Variants in SLC38A10 observed in about 807,000 individuals in gnomAD.
The protein encoded by SLC38A10 is Sodium-coupled neutral amino acid transporter 10.
A neutral mutation model predicts 81.0 loss-of-function variants in SLC38A10; 53 were observed. That is an observed-to-expected ratio of 0.65 (90% CI 0.53 to 0.82). The LOEUF is 0.82. SLC38A10 is among the 40% of genes least tolerant of loss of function. The probability of loss-of-function intolerance (pLI) is 0.00; values close to 1 mark genes in which losing one functional copy is unlikely to be tolerated. For missense variants in SLC38A10, 1,471 were observed against 1,545.0 expected (o/e 0.95, Z 0.80); for synonymous variants, 665 against 655.3 (o/e 1.01, Z -0.23).
At chr17:81,247,842 A>G (rs2062867656) in intron 14 of SLC38A10, among the ~76,000 whole-genome samples, 1 of 152,038 alleles carries the variant, frequency 6.6e-6, no homozygotes, top group African/African-American at 2.4e-5. Flanking sequence ...CCCTGTCTCA[A>G]AAAAGAAAAA....
chr17:81,251,047 C>T, intron 14 of SLC38A10: 1 of 1,438,428 alleles, frequency 7.0e-7, no homozygotes, highest in South Asian at 1.5e-5. Flanking sequence ...CACAGCCACC[C>T]CCAAACTGGG....
chr17:81,246,076 C>G lies in SLC38A10; in HGVS notation c.2840G>C (p.Gly947Ala). 6.2e-7 allele frequency: 1 copy of G among 1,608,770 alleles called. No homozygotes were observed. The highest frequency in any genetic ancestry group is 8.5e-7 in the Non-Finnish European group (1 of 1,179,646). ...CACAGCCTGGGGCTGTGCAGCTGCT[C>G]CTTCCGCCCCACCGGGCAGGTCCGC... ...LAADLPGGAE[G>A]AAAQPQAVLR... The change falls in exon 16 of 16, where the codon GGA becomes GCA. Residue 947 changes from glycine to alanine, a missense_variant. Coordinates refer to ENST00000374759, the MANE Select transcript of SLC38A10 (RefSeq NM_001037984.3).
chr17:81,260,332 G>T lies in SLC38A10; in HGVS notation c.1194C>A (p.Ser398Arg), dbSNP rs369522336. ...VVSTVTTLSV[S>R]EEVPEDLAEE... ...CTGCCAAGTCCTCGGGGACCTCCTC[G>T]CTCACAGACAGTGTGGTGACAGTGC... The change falls in exon 11 of 16, where the codon AGC becomes AGA. Residue 398 changes from serine (S) to arginine (R), a missense_variant. By Grantham distance (110) the Ser-to-Arg change is moderately radical. Around this residue, in one of 2 missense-constraint regions of SLC38A10, gnomAD observed 720 missense variants for 827.7 expected, o/e 0.87. Transcript: ENST00000374759. 5 of 1,609,440 alleles carry T rather than the reference G, an allele frequency of 3.1e-6. No homozygotes were observed. The highest frequency in any genetic ancestry group is 3.3e-4 in the Middle Eastern group (2 of 6,048).
At chr17:81,273,931 G>A (rs565088581) in intron 8 of SLC38A10, among the ~76,000 whole-genome samples, 2 of 152,356 alleles carry the variant, frequency 1.3e-5, no homozygotes, top group African/African-American at 2.4e-5. Context: ...GGCCGCAGCC[G>A]CACCTCCGGG....
intron 11 of SLC38A10, among the ~76,000 whole-genome samples, chr17:81,259,983 G>A (rs916919047): frequency 2.0e-5 from 3 of 151,962 alleles, no homozygotes; most frequent in African/African-American, 4.8e-5. Flanking sequence ...CCAGGCCAGC[G>A]GCCACTCCTG....
chr17:81,294,744 C>CT, intron 1 of SLC38A10, 79 bp downstream of exon 1: 1 of 1,370,358 alleles, frequency 7.3e-7, no homozygotes, highest in Non-Finnish European at 9.7e-7. Flanking sequence ...CCGGCGGGAA[C>CT]TTTAACCAGG....
rs1256769707 is a variant in SLC38A10, at chr17:81,270,661, C to T, written c.1131+257G>A. 1.3e-5 allele frequency among the ~76,000 whole-genome samples: 2 copies of T among 152,164 alleles called. No homozygotes were observed. The highest frequency in any genetic ancestry group is 2.9e-5 in the Non-Finnish European group (2 of 68,030). The stretch of plus-strand genomic sequence containing the variant: ...AGAAACACCATGGGGAAAGCGCTTA[C>T]GACTCAGCTAAGTCGGCTCTCAGGA... On this transcript the variant is annotated intron_variant, in intron 10 of 15. Transcript: ENST00000374759. The surrounding 1 kb of genome is among the most constrained non-coding windows in gnomAD (Gnocchi z 4.0).
At chr17:81,282,481 G>T in intron 4 of SLC38A10, 149 bp from the exon 5 acceptor site, 2 of 1,088,524 alleles carry the variant, frequency 1.8e-6, no homozygotes, top group Non-Finnish European at 2.6e-6. Flanking sequence ...TGGCACACTC[G>T]CCCGAAGCCG....
intron 14 of SLC38A10, chr17:81,247,300 G>A (rs1206374360): frequency 7.4e-6 from 3 of 403,296 alleles, no homozygotes; most frequent in African/African-American, 2.0e-5. Flanking sequence ...AGCCCACCCG[G>A]GATGGCCTCT....
In SLC38A10 at chr17:81,289,370, A is replaced by T. The variant is rs1365632444; in HGVS notation, c.217+321T>A. 2.0e-5 allele frequency among the ~76,000 whole-genome samples: 3 copies of T among 148,968 alleles called. No individual in the cohort carries two copies. Among genetic ancestry groups the T allele is most frequent in the East Asian group, 3.9e-4 (2 of 5,090 alleles). On this transcript the variant is annotated intron_variant, in intron 2 of 15. Transcript: ENST00000374759. This position sits in a 1 kb window ranked among gnomAD's most constrained non-coding sequence, Gnocchi z 5.9. ...TTTTTTTTTAACTGCATTTTTTTTT[A>T]ATTTGATTTTTAATTCTTTTGAGAC...
chr17:81,246,311 C>G lies in SLC38A10; in HGVS notation c.2605G>C (p.Gly869Arg). ...TCCTCTGCGAGGCGCTCCTCTGGGC[C>G]CCCGGCTTCCCTGGCGGGGTCTGGC... ...PVPDPAREAG[G>R]PEERLAEEFP... Residue 869 changes from glycine to arginine, a missense_variant, in exon 16 of 16, where the codon GGC becomes CGC. This residue lies in a region of SLC38A10 where 751 missense variants were observed against 717.4 expected (regional missense o/e 1.05). Transcript: ENST00000374759. 2 of 1,610,742 alleles carry G rather than the reference C, an allele frequency of 1.2e-6. No individual in the cohort carries two copies. The highest frequency in any genetic ancestry group is 1.7e-6 in the Non-Finnish European group (2 of 1,179,846).
Position 81,283,524 on chromosome 17 carries a change from G to A in SLC38A10, c.264-22C>T, listed in dbSNP as rs757962156. On this transcript the variant is annotated intron_variant, in intron 3 of 15. Coordinates refer to ENST00000374759, the MANE Select transcript of SLC38A10 (RefSeq NM_001037984.3). This position sits in a 1 kb window ranked among gnomAD's most constrained non-coding sequence, Gnocchi z 4.7. ...CATGCTGCACAGGGACGGGGGGTACGGGAAATGCCATCAGGGCAAGCTGGC... is the reference window on the plus strand; with the variant it reads ...CATGCTGCACAGGGACGGGGGGTACAGGAAATGCCATCAGGGCAAGCTGGC... The A allele has an allele frequency of 5.0e-6, 8 of 1,592,602 alleles. No homozygotes were observed. Among genetic ancestry groups the A allele is most frequent in the South Asian group, 4.5e-5 (4 of 88,808 alleles).
In SLC38A10 at chr17:81,277,283, G is replaced by T; in HGVS notation, c.627-150C>A. On this transcript the variant is annotated intron_variant, in intron 6 of 15. Coordinates refer to ENST00000374759, the MANE Select transcript of SLC38A10 (RefSeq NM_001037984.3). The surrounding 1 kb of genome is among the most constrained non-coding windows in gnomAD (Gnocchi z 4.5). Reference sequence around the variant, plus strand: ...GCACACTGGAAGTCCCAGCGCTGAGGCCAGGACTTGGTGTTGCTGAGGACA... The same window carrying T: ...GCACACTGGAAGTCCCAGCGCTGAGTCCAGGACTTGGTGTTGCTGAGGACA... 2.8e-6 allele frequency: 2 copies of T among 707,912 alleles called. No homozygotes were observed. Among genetic ancestry groups the T allele is most frequent in the Non-Finnish European group, 4.8e-6 (2 of 416,102 alleles). The allele number at this position is 707,912 out of a possible 1,614,324, so 43.9% of individuals were successfully genotyped here. A position where few individuals can be genotyped will look rare whatever the true frequency, so the allele number is the denominator to read the frequency against.
Position 81,289,294 on chromosome 17 carries a change from G to A in SLC38A10, c.217+397C>T, listed in dbSNP as rs1023435904. On this transcript the variant is annotated intron_variant, in intron 2 of 15. Transcript: ENST00000374759. This position sits in a 1 kb window ranked among gnomAD's most constrained non-coding sequence, Gnocchi z 5.9. ...TGACCTCAAATAATCCGCCTGCCTC[G>A]GCCTGCCAAAGTGCTGGGATTACAG... Among the ~76,000 whole-genome samples the A allele has an allele frequency of 8.6e-4, 131 of 151,900 alleles. No homozygotes were observed. The highest frequency in any genetic ancestry group is 1.0e-3 in the Non-Finnish European group (68 of 67,988).
chr17:81,253,778 TCTCCATCCCTAC>T lies in SLC38A10; in HGVS notation c.1289-550_1289-539del, dbSNP rs2062945213. 2.0e-5 allele frequency among the ~76,000 whole-genome samples: 2 copies of T among 102,206 alleles called. No individual in the cohort carries two copies. The highest frequency in any genetic ancestry group is 4.4e-4 in the East Asian group (2 of 4,566). The allele number at this position is 102,206 out of a possible 152,430, so 67.1% of individuals were successfully genotyped here. A position where few individuals can be genotyped will look rare whatever the true frequency, so the allele number is the denominator to read the frequency against. ...ATCATCACCGTCACCATCATCACCA[TCTCCATCCCTAC>T]CACCATCACCATCATCATCACCGTC... On this transcript the variant is annotated intron_variant, in intron 11 of 15. Coordinates refer to ENST00000374759, the MANE Select transcript of SLC38A10 (RefSeq NM_001037984.3). This position sits in a 1 kb window ranked among gnomAD's most constrained non-coding sequence, Gnocchi z 4.1.
chr17:81,283,928 C>T lies in SLC38A10; in HGVS notation c.264-426G>A, dbSNP rs58474699. Among the ~76,000 whole-genome samples the T allele has an allele frequency of 0.29, 43,484 of 150,384 alleles. 6,366 individuals are homozygous for T. The highest frequency in any genetic ancestry group is 0.32 in the African/African-American group (13,029 of 41,050). ...CCTGGCCAACAGATGTGATTTCAAA[C>T]GCGCCCCAGTTCACAGGGCGCGGGC... On this transcript the variant is annotated intron_variant, in intron 3 of 15. Coordinates refer to ENST00000374759, the MANE Select transcript of SLC38A10 (RefSeq NM_001037984.3). The surrounding 1 kb of genome is among the most constrained non-coding windows in gnomAD (Gnocchi z 4.7).
rs903673865 is a variant in SLC38A10, at chr17:81,278,357, T to A, written c.627-1224A>T. On this transcript the variant is annotated intron_variant, in intron 6 of 15. Coordinates refer to ENST00000374759, the MANE Select transcript of SLC38A10 (RefSeq NM_001037984.3). ...TGTGATCGCATCACTGCACTCCAGC[T>A]TGGGTGACACAGCAGGACCCCATCT... 2.0e-5 allele frequency among the ~76,000 whole-genome samples: 3 copies of A among 151,994 alleles called. No homozygotes were observed. The East Asian group carries it at 5.8e-4, about 29-fold the overall frequency.
intron 11 of SLC38A10, among the ~76,000 whole-genome samples, chr17:81,254,420 G>A (rs866970660): frequency 6.6e-6 from 1 of 152,186 alleles, no homozygotes; most frequent in African/African-American, 2.4e-5. Context: ...GAAAGCAGAC[G>A]CTAGGCTCTA....
chr17:81,255,606 G>A (rs965992834), intron 11 of SLC38A10, among the ~76,000 whole-genome samples: 3 of 152,156 alleles, frequency 2.0e-5, no homozygotes, highest in African/African-American at 4.8e-5. Context: ...CAGTAGAGGC[G>A]GCCACGGCCA....
Sources: allele counts gnomAD v4.1 joint callset (sites outside exome capture counted in the v4.1 genomes callset), GRCh38; gene constraint gnomAD v4.1.1; regional missense constraint gnomAD v4.1.1; non-coding constraint Gnocchi (gnomAD v3.1); transcripts MANE v1.5; gene names NCBI Gene and HGNC (gene_info 2026-07-23, HGNC 2026-07-21).